Variants in RIMS2 observed in about 807,000 individuals in gnomAD.
RIMS2 encodes regulating synaptic membrane exocytosis 2, also known as regulating synaptic membrane exocytosis protein 2.
Under a neutral mutation model 174.4 loss-of-function variants are expected in RIMS2, and 59 were observed. That is an observed-to-expected ratio of 0.34 (90% CI 0.27 to 0.42). RIMS2 has a LOEUF of 0.42. Among genes scored for constraint, RIMS2 ranks in the 10% least tolerant of loss-of-function variants. RIMS2 has a pLI of 1.00. For synonymous variants in RIMS2, 606 were observed against 572.5 expected, an observed-to-expected ratio of 1.06 and a Z score of -0.84; for missense variants, 1,620 against 1,666.3, an observed-to-expected ratio of 0.97 and a Z score of 0.48.
intron 2 of RIMS2, among the ~76,000 whole-genome samples, chr8:103,724,322 C>T (rs7842231): frequency 0.06 from 9,100 of 152,168 alleles, 906 homozygotes; most frequent in African/African-American, 0.2. Flanking sequence ...TGACATCACT[C>T]TCTGCATTTC....
rs1358754616 is a variant in RIMS2 at position 103,709,712 on chromosome 8, A to G, written c.387+12416A>G. 2.6e-5 allele frequency among the ~76,000 whole-genome samples: 4 copies of G among 151,568 alleles called. No individual in the cohort carries two copies. The East Asian group carries it at 7.8e-4, about 29-fold the overall frequency. ...CCCCATTCCCTTGAGTATTTTTCTCATATGTATGTTCACCGATCATTACTG... is the reference window on the plus strand; with the variant it reads ...CCCCATTCCCTTGAGTATTTTTCTCGTATGTATGTTCACCGATCATTACTG... On this transcript the variant is annotated intron_variant, in intron 2 of 23. Coordinates refer to ENST00000504942, the Ensembl canonical transcript of RIMS2.
chr8:103,790,158 TGTTTA>T (rs2098483710), intron 3 of RIMS2, among the ~76,000 whole-genome samples: 1 of 152,168 alleles, frequency 6.6e-6, no homozygotes, highest in Non-Finnish European at 1.5e-5. Context: ...ACCTAAGTGG[TGTTTA>T]GTTTAATTTT....
At chr8:103,816,364 T>C (rs778515443) in intron 3 of RIMS2, among the ~76,000 whole-genome samples, 2 of 152,198 alleles carry the variant, frequency 1.3e-5, no homozygotes, top group Non-Finnish European at 2.9e-5. Context: ...TTTGATAACA[T>C]GTAGGCATCC....
At chr8:103,544,147 C>T (rs960957901) in intron 1 of RIMS2, among the ~76,000 whole-genome samples, 5 of 152,050 alleles carry the variant, frequency 3.3e-5, no homozygotes, top group African/African-American at 1.2e-4. Context: ...CAGGCAATCT[C>T]TACTAGAGCT....
intron 19 of RIMS2, among the ~76,000 whole-genome samples, chr8:104,031,949 A>C (rs2096403005): frequency 6.6e-6 from 1 of 152,084 alleles, no homozygotes; most frequent in South Asian, 2.1e-4. Context: ...TTGTTTAGAA[A>C]ACTAATTACA....
At chr8:103,732,582 G>A (rs1420436568) in intron 2 of RIMS2, among the ~76,000 whole-genome samples, 2 of 152,108 alleles carry the variant, frequency 1.3e-5, no homozygotes, top group Non-Finnish European at 2.9e-5. Flanking sequence ...TCATCTGGGA[G>A]CCAGGGCCTG....
rs529571809 is a variant in RIMS2, at chr8:103,909,511, G to C, written c.1625-623G>C. On this transcript the variant is annotated intron_variant, in intron 4 of 23. Coordinates refer to ENST00000504942, the Ensembl canonical transcript of RIMS2. ...AAGTGATTCATGATGTTTAAGTAAA[G>C]TTTATTTTTACTAATAGATATTGAA... Among the ~76,000 whole-genome samples the C allele has an allele frequency of 2.0e-5, 3 of 152,094 alleles. No homozygotes were observed. The South Asian group carries it at 6.2e-4, about 32-fold the overall frequency.
chr8:103,587,469 A>AAAGAAAGAAAGAAAGAAAG (rs59840606), intron 1 of RIMS2, among the ~76,000 whole-genome samples: 5 of 59,950 alleles, frequency 8.3e-5, no homozygotes, highest in Non-Finnish European at 1.5e-4. Context: ...AGAAAGAAAG[A>AAAGAAAGAAAGAAAGAAAG]AACTATGCAC....
intron 2 of RIMS2, among the ~76,000 whole-genome samples, chr8:103,763,449 AAG>A (rs1554808300): frequency 4.1e-5 from 6 of 147,860 alleles, no homozygotes; most frequent in African/African-American, 1.2e-4. Flanking sequence ...GAAAAAAAAA[AAG>A]AAGAAGGAAG....
At chr8:104,032,560 A>AT (rs2096419241) in intron 19 of RIMS2, among the ~76,000 whole-genome samples, 1 of 152,074 alleles carries the variant, frequency 6.6e-6, no homozygotes, top group Non-Finnish European at 1.5e-5. Context: ...ACCAAGAATA[A>AT]AATGAAAAAA....
chr8:103,834,676 T>TTCTCTTTCTTTC (rs1554867207), intron 3 of RIMS2, among the ~76,000 whole-genome samples: 5 of 120,012 alleles, frequency 4.2e-5, no homozygotes, highest in Non-Finnish European at 7.0e-5. Context: ...TCTGAGGTCT[T>TTCTCTTTCTTTC]TTTCTTTCTT....
chr8:104,071,726 A>T (rs565804883), intron 19 of RIMS2, among the ~76,000 whole-genome samples: 5 of 151,962 alleles, frequency 3.3e-5, no homozygotes, highest in African/African-American at 1.2e-4. Flanking sequence ...ATGAGCCACC[A>T]CGCCCGGCCG....
intron 19 of RIMS2, 142 bp from the exon 25 acceptor site, chr8:104,148,465 G>A (rs1275540703): frequency 1.3e-6 from 1 of 744,722 alleles, no homozygotes; most frequent in Non-Finnish European, 2.1e-6. Context: ...CAAGACCATG[G>A]TATTTGAAAT....
At chr8:104,117,176 C>T (rs1457577457) in intron 19 of RIMS2, among the ~76,000 whole-genome samples, 1 of 151,770 alleles carries the variant, frequency 6.6e-6, no homozygotes, top group Non-Finnish European at 1.5e-5. Context: ...CAGCAAAATC[C>T]CCATCTCAAA....
chr8:104,078,561 G>T (rs557630926), intron 19 of RIMS2, among the ~76,000 whole-genome samples: 3 of 152,264 alleles, frequency 2.0e-5, no homozygotes, highest in South Asian at 4.2e-4. Context: ...CTCTTGAAAA[G>T]CTCTAGCGTC....
At chr8:104,013,367 CA>C in intron 17 of RIMS2, 74 bp from the exon 20 acceptor site, 2 of 1,156,670 alleles carry the variant, frequency 1.7e-6, no homozygotes, top group Non-Finnish European at 2.5e-6. Context: ...TTTTCAAAAT[CA>C]GTTTGATGCA....
At chr8:103,834,208 T>C (rs910151745) in intron 3 of RIMS2, among the ~76,000 whole-genome samples, 1 of 152,064 alleles carries the variant, frequency 6.6e-6, no homozygotes, top group African/African-American at 2.4e-5. Flanking sequence ...TTGTTTTTAT[T>C]TGAGCTTTAG....
chr8:103,841,185 A>G (rs928580144), intron 3 of RIMS2, among the ~76,000 whole-genome samples: 2 of 152,150 alleles, frequency 1.3e-5, no homozygotes, highest in Non-Finnish European at 2.9e-5. Context: ...TTGACAATTA[A>G]TTAGTACCAT....
chr8:103,962,684 T>G (rs1002795661), intron 15 of RIMS2, among the ~76,000 whole-genome samples: 2 of 152,120 alleles, frequency 1.3e-5, no homozygotes, highest in Admixed American at 6.6e-5. Flanking sequence ...AGTGCAGTAG[T>G]GCAATCACAG....
Sources: gnomAD v4.1 joint callset for allele counts (sites outside exome capture counted in the v4.1 genomes callset) on GRCh38, gnomAD v4.1.1 for gene constraint, MANE v1.5 for transcripts, NCBI Gene and HGNC (gene_info 2026-07-23, HGNC 2026-07-21) for gene names.